The following TTC27 variants were observed in gnomAD, a reference collection of about 807,000 sequenced individuals.
TTC27 encodes tetratricopeptide repeat protein 27.
In TTC27, 79 loss-of-function variants were observed where a neutral mutation model predicts 115.9. The ratio of observed to expected loss-of-function variants is 0.68; its 90% CI spans 0.57 to 0.82. The LOEUF is 0.82. Among genes scored for constraint, TTC27 ranks in the 40% least tolerant of loss-of-function variants. The pLI, the probability that TTC27 is intolerant of heterozygous loss-of-function variation, is 0.00. For missense variants in TTC27, 1,054 were observed against 993.1 expected, an observed-to-expected ratio of 1.06 and a Z score of -0.82; for synonymous variants, 401 against 356.0, an observed-to-expected ratio of 1.13 and a Z score of -1.42.
chr2:32,648,374 C>A (rs1003177882), intron 4 of TTC27, among the ~76,000 whole-genome samples: 4 of 151,836 alleles, frequency 2.6e-5, no homozygotes, highest in African/African-American at 7.3e-5. Flanking sequence ...GGTGATCAGC[C>A]CCACCTCGGC....
At position 32,634,666 on chromosome 2, in the gene TTC27, A is replaced by AT. The variant is rs201601475; in HGVS notation, c.396+669dup. Among the ~76,000 whole-genome samples, 1,340 of 150,810 alleles carry AT rather than the reference A, an allele frequency of 8.9e-3. 19 individuals carry two copies. The highest frequency in any genetic ancestry group is 0.031 in the African/African-American group (1,272 of 41,096). ...AAGTTTTTAACTAATTAATTAATTA[A>AT]TTTTTTTTGAGACAGAGTCTTGCTC... On this transcript the variant is annotated intron_variant, in intron 3 of 19. Transcript: ENST00000317907.
intron 9 of TTC27, among the ~76,000 whole-genome samples, chr2:32,683,246 C>G (rs899882744): frequency 6.6e-6 from 1 of 152,086 alleles, no homozygotes; most frequent in African/African-American, 2.4e-5. Flanking sequence ...CACCCAGCCT[C>G]CCAAAGTGCT....
At chr2:32,703,232 G>T (rs1667252329) in intron 10 of TTC27, among the ~76,000 whole-genome samples, 1 of 152,184 alleles carries the variant, frequency 6.6e-6, no homozygotes, top group Non-Finnish European at 1.5e-5. Context: ...ACTTTGGGAG[G>T]CCAAGGCAGG....
intron 8 of TTC27, among the ~76,000 whole-genome samples, chr2:32,674,501 A>G (rs745799628): frequency 1.3e-5 from 2 of 152,120 alleles, no homozygotes; most frequent in Admixed American, 6.6e-5. Flanking sequence ...TGTTCACCTT[A>G]TAGCATTTTA....
Position 32,736,639 on chromosome 2 carries a change from C to T in TTC27, c.1330-55C>T, listed in dbSNP as rs532021149. The T allele has an allele frequency of 2.3e-5, 37 of 1,606,420 alleles. 1 individual carries two copies. In the South Asian group the frequency reaches 3.9e-4, roughly 17 times the overall value. ...AGATTAGGTACACCTGCAAGTGAAA[C>T]AGGAATCTCTTTTTACACCAAGAAG... On this transcript the variant is annotated intron_variant, in intron 11 of 19. Coordinates refer to ENST00000317907, the MANE Select transcript of TTC27 (RefSeq NM_017735.5).
At chr2:32,731,164 G>A (rs771337598) in intron 10 of TTC27, among the ~76,000 whole-genome samples, 4 of 151,904 alleles carry the variant, frequency 2.6e-5, no homozygotes, top group Admixed American at 6.6e-5. Flanking sequence ...GTGCAATCAC[G>A]GCTCACTGCA....
intron 4 of TTC27, among the ~76,000 whole-genome samples, chr2:32,645,756 G>A (rs943379293): frequency 3.3e-5 from 5 of 151,106 alleles, no homozygotes; most frequent in South Asian, 2.1e-4. Flanking sequence ...TTACTCTGTC[G>A]CCCAGGCTGG....
At chr2:32,629,598 C>T (rs2063543541) in intron 1 of TTC27, among the ~76,000 whole-genome samples, 1 of 98,410 alleles carries the variant, frequency 1.0e-5, no homozygotes, top group Admixed American at 9.2e-5. Context: ...CCACGACCAG[C>T]TAATTTTTTT....
intron 4 of TTC27, 125 bp from the exon 5 acceptor site, chr2:32,650,006 G>T: frequency 1.4e-6 from 1 of 722,834 alleles, no homozygotes; most frequent in Non-Finnish European, 2.3e-6. Flanking sequence ...AGTAGTGGAT[G>T]GGTAATCTTA....
intron 10 of TTC27, among the ~76,000 whole-genome samples, chr2:32,717,235 A>G (rs1363833379): frequency 6.6e-6 from 1 of 151,988 alleles, no homozygotes; most frequent in Non-Finnish European, 1.5e-5. Flanking sequence ...CAGCCTCCCA[A>G]AGTGCTGGGA....
At chr2:32,709,004 G>A (rs929552092) in intron 10 of TTC27, among the ~76,000 whole-genome samples, 14 of 152,060 alleles carry the variant, frequency 9.2e-5, no homozygotes, top group African/African-American at 2.7e-4. Flanking sequence ...TGCATAGGGG[G>A]GTTGGCATCC....
intron 8 of TTC27, among the ~76,000 whole-genome samples, chr2:32,674,154 C>CTTT (rs1296988706): frequency 7.0e-6 from 1 of 142,482 alleles, no homozygotes. Context: ...AAATCTTGTT[C>CTTT]TTTTTTTTTT....
intron 14 of TTC27, among the ~76,000 whole-genome samples, chr2:32,780,810 CT>C (rs1670149914): frequency 6.7e-6 from 1 of 148,212 alleles, no homozygotes; most frequent in Non-Finnish European, 1.5e-5. Flanking sequence ...TTAATTATAT[CT>C]TGCAACCTTG....
chr2:32,718,552 C>T (rs1667823327), intron 10 of TTC27, among the ~76,000 whole-genome samples: 1 of 152,130 alleles, frequency 6.6e-6, no homozygotes, highest in Non-Finnish European at 1.5e-5. Flanking sequence ...AATTATCTGT[C>T]CTCAGGTATG....
chr2:32,798,963 T>C (rs1670825315), intron 16 of TTC27, among the ~76,000 whole-genome samples: 1 of 152,186 alleles, frequency 6.6e-6, no homozygotes. Context: ...ATTATTCACA[T>C]AGCTAAAACC....
At chr2:32,728,465 G>C (rs952230084) in intron 10 of TTC27, among the ~76,000 whole-genome samples, 16 of 152,134 alleles carry the variant, frequency 1.1e-4, no homozygotes, top group Non-Finnish European at 2.9e-5. Flanking sequence ...CGTTTCTGGG[G>C]CAGAAGCAAT....
chr2:32,697,854 C>T (rs775952564), intron 9 of TTC27, among the ~76,000 whole-genome samples: 33 of 151,912 alleles, frequency 2.2e-4, no homozygotes, highest in Non-Finnish European at 1.8e-4. Context: ...TGGGTTCAAA[C>T]GATTCTCATA....
chr2:32,702,726 A>G, intron 9 of TTC27, 81 bp from the exon 10 acceptor site: 1 of 893,234 alleles, frequency 1.1e-6, no homozygotes, highest in Non-Finnish European at 1.8e-6. Context: ...GATATTTTGG[A>G]AGAATTAATT....
chr2:32,741,316 A>G (rs1483791536), intron 12 of TTC27, among the ~76,000 whole-genome samples: 18 of 152,010 alleles, frequency 1.2e-4, no homozygotes, highest in Admixed American at 1.1e-3. Flanking sequence ...CATCTGATCT[A>G]CTAAATGTAA....
Sources: allele counts gnomAD v4.1 joint callset (sites outside exome capture counted in the v4.1 genomes callset), GRCh38; gene constraint gnomAD v4.1.1; transcripts MANE v1.5; gene names NCBI Gene and HGNC (gene_info 2026-07-23, HGNC 2026-07-21).